The following ARHGAP15 variants were observed in gnomAD, a reference collection of about 807,000 sequenced individuals.
ARHGAP15 encodes the protein rho GTPase-activating protein 15.
Under a neutral mutation model 63.7 loss-of-function variants are expected in ARHGAP15, and 51 were observed. That is an observed-to-expected ratio of 0.80 (90% CI 0.64 to 1.01). The LOEUF is 1.01. Ranked by LOEUF, ARHGAP15 falls within the 50% of genes least tolerant of loss-of-function variation. The pLI, the probability that ARHGAP15 is intolerant of heterozygous loss-of-function variation, is 0.00. For missense variants in ARHGAP15, 560 were observed against 564.6 expected (o/e 0.99, Z 0.08); for synonymous variants, 191 against 193.8 (o/e 0.99, Z 0.12).
At chr2:143,446,735 G>A (rs956225785) in intron 8 of ARHGAP15, among the ~76,000 whole-genome samples, 4 of 150,596 alleles carry the variant, frequency 2.7e-5, no homozygotes, top group African/African-American at 9.8e-5. Flanking sequence ...CCCTTAACTC[G>A]TCATCTAGCA....
At chr2:143,363,031 C>T (rs1267985531) in intron 6 of ARHGAP15, among the ~76,000 whole-genome samples, 1 of 152,142 alleles carries the variant, frequency 6.6e-6, no homozygotes, top group Non-Finnish European at 1.5e-5. Flanking sequence ...CTATTCAAAA[C>T]TTTATAATAA....
rs559209001 is a variant in ARHGAP15 at position 143,293,942 on chromosome 2, T to G, written c.474+43342T>G. ...AACAGCAAAATCAAGGATAAATATT[T>G]GAATTACTCTAAGTCCATTTGACAA... On this transcript the variant is annotated intron_variant, in intron 6 of 13. Transcript: ENST00000295095. 2.6e-5 allele frequency among the ~76,000 whole-genome samples: 4 copies of G among 152,194 alleles called. No homozygotes were observed. The East Asian group carries it at 7.7e-4, about 29-fold the overall frequency.
chr2:143,765,531 T>C (rs955792707), intron 13 of ARHGAP15, among the ~76,000 whole-genome samples: 1 of 152,168 alleles, frequency 6.6e-6, no homozygotes, highest in Admixed American at 6.5e-5. Flanking sequence ...AAATGCTATC[T>C]GCTTAAAGCA....
At chr2:143,510,035 A>G (rs926995551) in intron 9 of ARHGAP15, among the ~76,000 whole-genome samples, 2 of 150,576 alleles carry the variant, frequency 1.3e-5, no homozygotes, top group African/African-American at 4.9e-5. Context: ...AAAAAAAAAA[A>G]AAAAAAAAAA....
intron 12 of ARHGAP15, among the ~76,000 whole-genome samples, chr2:143,684,480 A>C (rs1395492437): frequency 6.6e-6 from 1 of 151,952 alleles, no homozygotes; most frequent in Admixed American, 6.6e-5. Context: ...GCAAAAACAA[A>C]AAAAAAAATC....
chr2:143,502,642 C>T (rs781141407), intron 9 of ARHGAP15, among the ~76,000 whole-genome samples: 1 of 151,876 alleles, frequency 6.6e-6, no homozygotes, highest in Non-Finnish European at 1.5e-5. Context: ...TGCAATGGCA[C>T]GATCTTTGCT....
intron 13 of ARHGAP15, among the ~76,000 whole-genome samples, chr2:143,736,536 T>TTATAGACAAAGTGTAGAGTGTAC (rs1559152958): frequency 1.3e-5 from 2 of 152,034 alleles, no homozygotes; most frequent in Non-Finnish European, 1.5e-5. Flanking sequence ...GTAGAGTGTA[T>TTATAGACAAAGTGTAGAGTGTAC]AGTTATAGAC....
In ARHGAP15 at chr2:143,667,592, A is replaced by ATTT. The variant is rs1559114720; in HGVS notation, c.1139-35827_1139-35826insTTT. 7.3e-5 allele frequency among the ~76,000 whole-genome samples: 11 copies of ATTT among 150,524 alleles called. No homozygotes were observed. In the East Asian group the frequency reaches 7.8e-4, roughly 11 times the overall value. The stretch of plus-strand genomic sequence containing the variant: ...TAATTTAAAAAAAATTAAAAAAAAA[A>ATTT]AAAAAAAAAAAGAAAAGAAGTGCTC... On this transcript the variant is annotated intron_variant, in intron 12 of 13. Coordinates refer to ENST00000295095, the MANE Select transcript of ARHGAP15 (RefSeq NM_018460.4).
At chr2:143,399,403 C>G (rs1011560434) in intron 6 of ARHGAP15, among the ~76,000 whole-genome samples, 1 of 151,770 alleles carries the variant, frequency 6.6e-6, no homozygotes. Flanking sequence ...TTGCTTCTAT[C>G]TAAAAAAGCT....
chr2:143,133,096 A>G (rs1304860174), intron 1 of ARHGAP15, among the ~76,000 whole-genome samples: 1 of 152,216 alleles, frequency 6.6e-6, no homozygotes, highest in Non-Finnish European at 1.5e-5. Context: ...GCCATAAACT[A>G]GAGAATTTTG....
At chr2:143,308,627 A>G (rs1444659014) in intron 6 of ARHGAP15, among the ~76,000 whole-genome samples, 1 of 152,124 alleles carries the variant, frequency 6.6e-6, no homozygotes, top group African/African-American at 2.4e-5. Context: ...TGATAGAACA[A>G]GCATCCCTGG....
chr2:143,458,455 C>A (rs1225757490), intron 8 of ARHGAP15, among the ~76,000 whole-genome samples: 1 of 152,116 alleles, frequency 6.6e-6, no homozygotes, highest in African/African-American at 2.4e-5. Flanking sequence ...GAGACCTGCG[C>A]AATGACTCTG....
chr2:143,358,843 A>C (rs949870448), intron 6 of ARHGAP15, among the ~76,000 whole-genome samples: 1 of 151,950 alleles, frequency 6.6e-6, no homozygotes, highest in Non-Finnish European at 1.5e-5. Flanking sequence ...TAAATCAGAA[A>C]GACAAAATAA....
At chr2:143,250,235 A>G (rs960455518) in intron 5 of ARHGAP15, among the ~76,000 whole-genome samples, 3 of 152,094 alleles carry the variant, frequency 2.0e-5, no homozygotes, top group African/African-American at 4.8e-5. Flanking sequence ...TTAAATTACT[A>G]AAGAATACCA....
rs539731553 is a variant in ARHGAP15 at position 143,566,025 on chromosome 2, GA to G, written c.1003+9547del. 3.9e-5 allele frequency among the ~76,000 whole-genome samples: 6 copies of G among 152,136 alleles called. No individual in the cohort carries two copies. In the South Asian group the frequency reaches 1.0e-3, roughly 26 times the overall value. ...CATTTCCTAACAAAAGTGTGCTGTA[GA>G]AAAAAAGTATTCTCATCTCCTTAAA... is the stretch of plus-strand genomic sequence containing the variant. On this transcript the variant is annotated intron_variant, in intron 11 of 13. Transcript: ENST00000295095.
intron 6 of ARHGAP15, among the ~76,000 whole-genome samples, chr2:143,404,022 C>T (rs1011532295): frequency 6.6e-6 from 1 of 151,558 alleles, no homozygotes. Flanking sequence ...TGGAAAATCC[C>T]CATAATGTTA....
At chr2:143,719,787 T>A (rs1017128681) in intron 13 of ARHGAP15, among the ~76,000 whole-genome samples, 1 of 152,208 alleles carries the variant, frequency 6.6e-6, no homozygotes, top group African/African-American at 2.4e-5. Context: ...TCTGACCTCA[T>A]CTTCCTTTCA....
At chr2:143,485,521 C>A (rs192372188) in intron 8 of ARHGAP15, among the ~76,000 whole-genome samples, 26 of 149,926 alleles carry the variant, frequency 1.7e-4, no homozygotes, top group African/African-American at 5.1e-4. Context: ...TATAGATAGA[C>A]CTTCCACCGA....
chr2:143,387,006 G>T (rs1258751638), intron 6 of ARHGAP15, among the ~76,000 whole-genome samples: 3 of 152,088 alleles, frequency 2.0e-5, no homozygotes, highest in Non-Finnish European at 2.9e-5. Context: ...CTACTTGAGG[G>T]TGGAGGCTGG....
Sources: allele counts gnomAD v4.1 joint callset (sites outside exome capture counted in the v4.1 genomes callset), GRCh38; gene constraint gnomAD v4.1.1; transcripts MANE v1.5; gene names NCBI Gene and HGNC (gene_info 2026-07-23, HGNC 2026-07-21).